PTGER3: variants seen among roughly 807,000 people sequenced by gnomAD.
PTGER3 encodes prostaglandin E receptor 3.
PTGER3 carries 22 observed loss-of-function variants against 34.7 expected under a neutral mutation model. The ratio of observed to expected loss-of-function variants is 0.63; its 90% confidence interval spans 0.45 to 0.91. PTGER3 has a LOEUF of 0.91. Ranked by LOEUF, PTGER3 falls within the 40% of genes least tolerant of loss-of-function variation. The probability of loss-of-function intolerance (pLI) is 0.00; values close to 1 mark genes in which losing one functional copy is unlikely to be tolerated. For synonymous variants in PTGER3, 241 were observed against 230.1 expected (o/e 1.05, Z -0.43); for missense variants, 468 against 519.4 (o/e 0.90, Z 0.96).
chr1:70,879,070 T>G (rs1646331081), intron 4 of PTGER3, among the ~76,000 whole-genome samples: 1 of 152,200 alleles, frequency 6.6e-6, no homozygotes, highest in Non-Finnish European at 1.5e-5. Context: ...TCATGGAGTG[T>G]TAAAATCTCC....
chr1:70,885,881 A>G (rs1646487874), intron 4 of PTGER3, among the ~76,000 whole-genome samples: 1 of 152,218 alleles, frequency 6.6e-6, no homozygotes, highest in Admixed American at 6.5e-5. Flanking sequence ...GGAGCTTTCA[A>G]AGGGGATATT....
At chr1:70,981,121 T>G (rs1654215823) in intron 2 of PTGER3, among the ~76,000 whole-genome samples, 2 of 152,062 alleles carry the variant, frequency 1.3e-5, no homozygotes, top group African/African-American at 4.8e-5. Context: ...AGAAAATAAC[T>G]GGGTCCAATA....
intron 4 of PTGER3, among the ~76,000 whole-genome samples, chr1:70,916,972 G>C (rs189720801): frequency 1.3e-5 from 2 of 151,824 alleles, no homozygotes; most frequent in Admixed American, 1.3e-4. Context: ...ATGATATAAC[G>C]GTCAAATTGT....
chr1:70,931,031 A>G (rs1313590798), intron 4 of PTGER3, among the ~76,000 whole-genome samples: 1 of 152,224 alleles, frequency 6.6e-6, no homozygotes, highest in East Asian at 1.9e-4. Context: ...CAAGCTAGTT[A>G]CTTCCTAGAT....
At chr1:71,016,781 T>C (rs1988080) in intron 1 of PTGER3, among the ~76,000 whole-genome samples, 53,152 of 150,936 alleles carry the variant, frequency 0.35, 9,701 homozygotes, top group South Asian at 0.45. Flanking sequence ...CCAGCCTGGA[T>C]GACAGAGTGA....
At chr1:70,864,601 T>C (rs1487843805) in intron 4 of PTGER3, among the ~76,000 whole-genome samples, 5 of 152,202 alleles carry the variant, frequency 3.3e-5, no homozygotes, top group Non-Finnish European at 5.9e-5. Flanking sequence ...AAGACACTGG[T>C]GCTGGGCCCT....
intron 4 of PTGER3, among the ~76,000 whole-genome samples, chr1:70,903,884 A>G (rs1323377359): frequency 1.3e-5 from 2 of 152,214 alleles, no homozygotes; most frequent in African/African-American, 2.4e-5. Flanking sequence ...CTGTAAAATG[A>G]GCATAAAAAT....
At chr1:70,872,620 T>C (rs138647982) in intron 4 of PTGER3, among the ~76,000 whole-genome samples, 512 of 152,312 alleles carry the variant, frequency 3.4e-3, no homozygotes, top group African/African-American at 0.012. Context: ...TCAGACCTCA[T>C]TCTATTTGAC....
Position 71,047,320 on chromosome 1 carries a change from C to A in PTGER3, c.258G>T (p.Lys86Asn). The A allele has an allele frequency of 6.2e-7, 1 of 1,606,124 alleles. No individual in the cohort carries two copies. The highest frequency in any genetic ancestry group is 2.2e-5 in the East Asian group (1 of 44,556). Residue 86 changes from lysine (K) to asparagine (N), a missense_variant, in exon 1 of 4, where the codon AAG becomes AAT. Physicochemically the swap from Lys to Asn is moderately conservative, Grantham distance 94. Around this residue, in one of 5 missense-constraint regions of PTGER3, gnomAD observed 151 missense variants for 133.5 expected, o/e 1.13. Coordinates refer to ENST00000306666, the MANE Select transcript of PTGER3 (RefSeq NM_198719.2). ...GCCAGCCGATGCACAGCAGGAAGGA[C>A]TTCTTGCGCTTGCTCTCCCGGCGCC... is the stretch of plus-strand genomic sequence containing the variant. Reference protein sequence around the residue: ...SYRRRESKRKKSFLLCIGWLA... With the variant: ...SYRRRESKRKNSFLLCIGWLA...
chr1:70,930,914 T>C (rs1648624670), intron 4 of PTGER3, among the ~76,000 whole-genome samples: 1 of 152,042 alleles, frequency 6.6e-6, no homozygotes, highest in Non-Finnish European at 1.5e-5. Flanking sequence ...TCCCAACAGT[T>C]CCCCTAAGTC....
At position 70,990,198 on chromosome 1, in the gene PTGER3, C is replaced by CA. The variant is rs979145654; in HGVS notation, c.1078-15811dup. ...GAAACCCCCTCTCTACTAAAAAATA[C>CA]AAAAAAAAATTAGCCAGGCGTGGTG... On this transcript the variant is annotated intron_variant, in intron 2 of 3. Coordinates refer to ENST00000306666, the MANE Select transcript of PTGER3 (RefSeq NM_198719.2). 5.4e-5 allele frequency among the ~76,000 whole-genome samples: 8 copies of CA among 149,406 alleles called. No individual in the cohort carries two copies. In the South Asian group the frequency reaches 6.4e-4, roughly 12 times the overall value.
rs1282118933 is a variant in PTGER3 at position 71,047,327 on chromosome 1, C to G, written c.251G>C (p.Arg84Pro). 1 of 1,606,384 alleles carries G rather than the reference C, an allele frequency of 6.2e-7. No individual in the cohort carries two copies. Among genetic ancestry groups the G allele is most frequent in the Non-Finnish European group, 8.5e-7 (1 of 1,177,190 alleles). The change falls in exon 1 of 4, where the codon CGC (arginine) becomes CCC (proline). Residue 84 changes from arginine (R) to proline (P), a missense_variant. Around this residue, in one of 5 missense-constraint regions of PTGER3, gnomAD observed 151 missense variants for 133.5 expected, o/e 1.13. Transcript: ENST00000306666. ...GATGCACAGCAGGAAGGACTTCTTG[C>G]GCTTGCTCTCCCGGCGCCGGTAGCT... Reference protein sequence around the residue: ...SRSYRRRESKRKKSFLLCIGW... With the variant: ...SRSYRRRESKPKKSFLLCIGW...
intron 1 of PTGER3, among the ~76,000 whole-genome samples, chr1:71,024,645 CTT>C (rs35271200): frequency 1.9e-4 from 22 of 117,126 alleles, no homozygotes; most frequent in East Asian, 8.2e-4. Flanking sequence ...CCTTTTCTTT[CTT>C]TTTTTTTTTT....
intron 4 of PTGER3, among the ~76,000 whole-genome samples, chr1:70,937,874 T>A (rs1315683178): frequency 7.0e-6 from 1 of 143,880 alleles, no homozygotes; most frequent in Non-Finnish European, 1.5e-5. Flanking sequence ...TTAAGCATAT[T>A]TCACTTTTAT....
chr1:70,986,987 C>CTT (rs1654986043), intron 2 of PTGER3, among the ~76,000 whole-genome samples: 1 of 152,148 alleles, frequency 6.6e-6, no homozygotes, highest in Non-Finnish European at 1.5e-5. Flanking sequence ...AAGCAGATAT[C>CTT]TTTAAGCACC....
chr1:70,964,764 T>G (rs1652333425), intron 2 of PTGER3, among the ~76,000 whole-genome samples: 1 of 152,214 alleles, frequency 6.6e-6, no homozygotes, highest in Non-Finnish European at 1.5e-5. Context: ...GTTTCAGTCT[T>G]GAATTATCTT....
rs945391056 is a variant in PTGER3, at chr1:70,958,240, G to T, written c.1078-4451C>A. Among the ~76,000 whole-genome samples the T allele has an allele frequency of 2.6e-5, 4 of 152,096 alleles. No individual in the cohort carries two copies. The East Asian group carries it at 7.7e-4, about 29-fold the overall frequency. On this transcript the variant is annotated intron_variant, in intron 2 of 3. Coordinates refer to the PTGER3 transcript ENST00000356595. The stretch of plus-strand genomic sequence containing the variant: ...AGTAATGAGCTTGCTAGATCAAATG[G>T]TAGTCTATTTCTAGTTTTTAAAGGA...
chr1:70,909,473 T>C lies in PTGER3; in HGVS notation c.*23+44290A>G, dbSNP rs1173824694. Reference sequence around the variant, plus strand: ...TATATATGAATTTACATGGAAGGAGTAATTCATTCTTCCTGGAAGAGTCTC... The same window carrying C: ...TATATATGAATTTACATGGAAGGAGCAATTCATTCTTCCTGGAAGAGTCTC... On this transcript the variant is annotated intron_variant, in intron 4 of 4. Transcript: ENST00000370931. Among the ~76,000 whole-genome samples, 4 of 152,124 alleles carry C rather than the reference T, an allele frequency of 2.6e-5. No individual in the cohort carries two copies. In the South Asian group the frequency reaches 8.3e-4, roughly 32 times the overall value.
chr1:70,853,736 A>C lies in PTGER3; in HGVS notation c.*24-877T>G, dbSNP rs1439009766. ...TAAATAGGTTAAGTGATCCCAAGTT[A>C]CAGTAATCTAAACGGTGTGGTACTG... On this transcript the variant is annotated intron_variant, in intron 4 of 4. Coordinates refer to the PTGER3 transcript ENST00000370931. Among the ~76,000 whole-genome samples, 3 of 152,196 alleles carry C rather than the reference A, an allele frequency of 2.0e-5. No homozygotes were observed. The East Asian group carries it at 5.8e-4, about 29-fold the overall frequency.
Sources: allele counts gnomAD v4.1 joint callset (sites outside exome capture counted in the v4.1 genomes callset), GRCh38; gene constraint gnomAD v4.1.1; regional missense constraint gnomAD v4.1.1; transcripts MANE v1.5; gene names NCBI Gene and HGNC (gene_info 2026-07-23, HGNC 2026-07-21).